Variants in OSBPL9 observed in about 807,000 individuals in gnomAD.
OSBPL9 encodes the protein oxysterol binding protein like 9.
A neutral mutation model predicts 106.6 loss-of-function variants in OSBPL9; 40 were observed. That is an observed-to-expected ratio of 0.38 (90% CI 0.29 to 0.49). The LOEUF (loss-of-function observed/expected upper bound fraction) is 0.49. Among genes scored for constraint, OSBPL9 ranks in the 20% least tolerant of loss-of-function variants. The pLI is 0.97. For synonymous variants in OSBPL9, 269 were observed against 295.4 expected (o/e 0.91, Z 0.92); for missense variants, 609 against 887.2 (o/e 0.69, Z 3.98).
At position 51,617,109 on chromosome 1, in the gene OSBPL9, A is replaced by G. The variant is rs768957824; in HGVS notation, c.-2A>G. Reference sequence around the variant, plus strand: ...CGTTTGTTGTCATTGGCGGCTCCCAAGATGGCGTCCATCATGGAAGGGCCG... The same window carrying G: ...CGTTTGTTGTCATTGGCGGCTCCCAGGATGGCGTCCATCATGGAAGGGCCG... On this transcript the variant is annotated 5_prime_UTR_variant, in exon 1 of 24. Coordinates refer to ENST00000428468, the MANE Select transcript of OSBPL9 (RefSeq NM_024586.6). 6.2e-7 allele frequency: 1 copy of G among 1,608,862 alleles called. No homozygotes were observed. Among genetic ancestry groups the G allele is most frequent in the South Asian group, 1.1e-5 (1 of 90,100 alleles).
intron 2 of OSBPL9, among the ~76,000 whole-genome samples, chr1:51,653,431 G>A (rs1187506093): frequency 6.6e-6 from 1 of 152,046 alleles, no homozygotes; most frequent in African/African-American, 2.4e-5. Flanking sequence ...CACTGGTTTT[G>A]TCTGTCTTTA....
intron 3 of OSBPL9, among the ~76,000 whole-genome samples, chr1:51,712,141 G>A (rs975420557): frequency 6.6e-5 from 10 of 152,306 alleles, no homozygotes; most frequent in African/African-American, 2.2e-4. Flanking sequence ...CTGAGTGAAC[G>A]AGACTCCGTC....
the OSBPL9 span, chr1:51,561,810 G>C: frequency 2.0e-5 from 3 of 152,186 alleles, no homozygotes; most frequent in African/African-American, 7.2e-5. Context: ...CAAGTCTTGT[G>C]ATTTCCAGCC....
the OSBPL9 span, among the ~76,000 whole-genome samples, chr1:51,540,666 A>T: frequency 0.019 from 2,715 of 142,464 alleles, 50 homozygotes; most frequent in South Asian, 0.078. Flanking sequence ...AAAAAAAAAA[A>T]TTTTTTTTGT....
rs553882268 is a variant in OSBPL9, at chr1:51,780,419, CAT to C, written c.1257-744_1257-743del. Among the ~76,000 whole-genome samples the C allele has an allele frequency of 1.7e-4, 26 of 152,278 alleles. No individual in the cohort carries two copies. In the East Asian group the frequency reaches 2.1e-3, roughly 12 times the overall value. ...TATATGAAAAAGACACATGCACACACATGTTTATAGCAGCACAATTTGCAATT... is the reference window on the plus strand; with the variant it reads ...TATATGAAAAAGACACATGCACACACGTTTATAGCAGCACAATTTGCAATT... On this transcript the variant is annotated intron_variant, in intron 15 of 23. Coordinates refer to ENST00000428468, the MANE Select transcript of OSBPL9 (RefSeq NM_024586.6).
intron 1 of OSBPL9, among the ~76,000 whole-genome samples, chr1:51,589,010 A>G (rs1428602765): frequency 6.6e-6 from 1 of 152,156 alleles, no homozygotes; most frequent in Admixed American, 6.5e-5. Context: ...TTACATGGGA[A>G]CTTTTTGGGG....
At chr1:51,757,390 C>T (rs1030808805) in intron 9 of OSBPL9, among the ~76,000 whole-genome samples, 104 of 151,900 alleles carry the variant, frequency 6.8e-4, no homozygotes, top group African/African-American at 2.5e-3. Context: ...GAGATACTAT[C>T]GAAGATTGTT....
At chr1:51,553,437 C>A in the OSBPL9 span, among the ~76,000 whole-genome samples, 3 of 152,036 alleles carry the variant, frequency 2.0e-5, no homozygotes, top group African/African-American at 7.2e-5. Context: ...TCACTTGAGC[C>A]TGGGGAGTTG....
At chr1:51,606,317 ACTATGTAAGACTGAT>A (rs1222094730) in intron 2 of OSBPL9, among the ~76,000 whole-genome samples, 2 of 152,250 alleles carry the variant, frequency 1.3e-5, no homozygotes, top group East Asian at 3.8e-4. Context: ...GAGGACAGGA[ACTATGTAAGACTGAT>A]CTCTGTATCT....
chr1:51,747,673 T>A (rs1223024522), intron 6 of OSBPL9, among the ~76,000 whole-genome samples: 1 of 151,950 alleles, frequency 6.6e-6, no homozygotes, highest in Non-Finnish European at 1.5e-5. Context: ...AGTTTTGGGA[T>A]TTAGTCCCAT....
intron 11 of OSBPL9, among the ~76,000 whole-genome samples, chr1:51,765,098 T>A (rs537218602): frequency 3.9e-5 from 6 of 152,364 alleles, no homozygotes; most frequent in African/African-American, 1.4e-4. Context: ...CTTGCTTTAC[T>A]AGTAGATAAG....
In OSBPL9 at chr1:51,745,647, G is replaced by A. The variant is rs1003827465; in HGVS notation, c.414+16G>A. On this transcript the variant is annotated intron_variant, in intron 5 of 23. Transcript: ENST00000428468. Reference sequence around the variant, plus strand: ...ACAATTAAAGGTATGGCATTAGTTTGTATATTAAATTTATATAAATAGAAA... The same window carrying A: ...ACAATTAAAGGTATGGCATTAGTTTATATATTAAATTTATATAAATAGAAA... 6.6e-7 allele frequency: 1 copy of A among 1,504,998 alleles called. No individual in the cohort carries two copies. Among genetic ancestry groups the A allele is most frequent in the Non-Finnish European group, 8.8e-7 (1 of 1,132,330 alleles). 93.2% of individuals were successfully genotyped at this position (1,504,998 alleles called of 1,614,324 possible).
chr1:51,682,633 C>T (rs1240048465), intron 3 of OSBPL9, among the ~76,000 whole-genome samples: 1 of 151,858 alleles, frequency 6.6e-6, no homozygotes, highest in African/African-American at 2.4e-5. Context: ...TGGCGCGCGC[C>T]TATAATCCCA....
At chr1:51,690,048 C>T (rs112288938) in intron 3 of OSBPL9, among the ~76,000 whole-genome samples, 6 of 152,236 alleles carry the variant, frequency 3.9e-5, no homozygotes, top group South Asian at 2.1e-4. Flanking sequence ...GTAGTCCTTT[C>T]GGTATTATAT....
chr1:51,660,435 A>G (rs1441034458), intron 2 of OSBPL9, among the ~76,000 whole-genome samples: 1 of 152,200 alleles, frequency 6.6e-6, no homozygotes, highest in East Asian at 1.9e-4. Context: ...GTATATATAA[A>G]TAACTCCTGC....
At chr1:51,728,410 A>G (rs1472844700) in intron 4 of OSBPL9, among the ~76,000 whole-genome samples, 3 of 152,268 alleles carry the variant, frequency 2.0e-5, no homozygotes, top group African/African-American at 7.2e-5. Context: ...GACAGAATGG[A>G]GAGTGTATTT....
At chr1:51,660,757 A>G (rs868050204) in intron 2 of OSBPL9, among the ~76,000 whole-genome samples, 58 of 152,152 alleles carry the variant, frequency 3.8e-4, no homozygotes, top group African/African-American at 1.4e-3. Flanking sequence ...CTTCTATATT[A>G]TTGATTCTGT....
At chr1:51,639,554 A>G (rs114943860) in intron 1 of OSBPL9, among the ~76,000 whole-genome samples, 1,813 of 152,256 alleles carry the variant, frequency 0.012, 38 homozygotes, top group African/African-American at 0.042. Flanking sequence ...GTCAGAAACT[A>G]CCTTTGGGAG....
intron 12 of OSBPL9, among the ~76,000 whole-genome samples, chr1:51,769,358 T>G (rs1557841620): frequency 6.6e-6 from 1 of 152,228 alleles, no homozygotes; most frequent in Non-Finnish European, 1.5e-5. Context: ...TACACATTTA[T>G]AAATTAGATA....
Sources: gnomAD v4.1 joint callset for allele counts (sites outside exome capture counted in the v4.1 genomes callset) on GRCh38, gnomAD v4.1.1 for gene constraint, MANE v1.5 for transcripts, NCBI Gene and HGNC (gene_info 2026-07-23, HGNC 2026-07-21) for gene names.